The following LHFPL1 variants were observed in gnomAD, a reference collection of about 807,000 sequenced individuals.
LHFPL1 encodes the protein LHFPL tetraspan subfamily member 1, also known as LHFPL tetraspan subfamily member 1 protein.
Under a neutral mutation model 12.1 loss-of-function variants are expected in LHFPL1, and 4 were observed. That is an observed-to-expected ratio of 0.33 (90% CI 0.16 to 0.76). LHFPL1 has a LOEUF of 0.76. Ranked by LOEUF, LHFPL1 falls within the 30% of genes least tolerant of loss-of-function variation. The pLI, the probability that LHFPL1 is intolerant of heterozygous loss-of-function variation, is 0.61. For synonymous variants in LHFPL1, 52 were observed against 61.9 expected, an observed-to-expected ratio of 0.84 and a Z score of 0.75; for missense variants, 141 against 174.1, an observed-to-expected ratio of 0.81 and a Z score of 1.07.
At chrX:112,662,760 CCT>C (rs1006538547) in intron 2 of LHFPL1, among the ~76,000 whole-genome samples, 1 of 111,683 alleles carries the variant, frequency 9.0e-6, no homozygotes, top group African/African-American at 3.3e-5. Context: ...AACAACACCC[CCT>C]GTTTTTTCCA....
intron 2 of LHFPL1, among the ~76,000 whole-genome samples, chrX:112,663,910 T>TTAA (rs754468652): frequency 7.1e-5 from 8 of 112,082 alleles, no homozygotes; most frequent in Non-Finnish European, 1.3e-4. Context: ...TTAATTTCTC[T>TTAA]GTGCCTCATT....
Position 112,671,116 on chromosome X carries a change from C to T in LHFPL1, c.275G>A (p.Cys92Tyr). 8.2e-7 allele frequency: 1 copy of T among 1,212,132 alleles called. No homozygotes were observed. The highest frequency in any genetic ancestry group is 1.1e-6 in the Non-Finnish European group (1 of 895,542). The change falls in exon 2 of 4, where the codon TGT becomes TAT. Residue 92 changes from cysteine (C) to tyrosine (Y), a missense_variant. Coordinates refer to ENST00000371968, the MANE Select transcript of LHFPL1 (RefSeq NM_178175.4). ...QMCTVVTGAGCALLLLVALAA... is the reference protein window; with the variant it reads ...QMCTVVTGAGYALLLLVALAA... ...TAGTGCCACCAGGAGCAGCAGAGCA[C>T]AGCCGGCACCTGTCACCACTGTGCA... is the stretch of plus-strand genomic sequence containing the variant.
At chrX:112,654,584 T>A (rs1930943780) in intron 3 of LHFPL1, among the ~76,000 whole-genome samples, 1 of 109,789 alleles carries the variant, frequency 9.1e-6, no homozygotes, top group Non-Finnish European at 1.9e-5. Context: ...TATTTATATT[T>A]ATGTTTATAT....
intron 3 of LHFPL1, among the ~76,000 whole-genome samples, chrX:112,643,835 A>G (rs1444920826): frequency 8.9e-6 from 1 of 112,005 alleles, no homozygotes; most frequent in East Asian, 2.8e-4. Flanking sequence ...AACACTGAGC[A>G]TGCCAAGCAC....
intron 3 of LHFPL1, among the ~76,000 whole-genome samples, chrX:112,639,536 T>C (rs753850121): frequency 9.0e-6 from 1 of 111,504 alleles, no homozygotes; most frequent in East Asian, 2.8e-4. Flanking sequence ...AAGAGCCAAG[T>C]CCTCATGACG....
chrX:112,648,366 T>C (rs1489644874), intron 3 of LHFPL1, among the ~76,000 whole-genome samples: 1 of 111,656 alleles, frequency 9.0e-6, no homozygotes, highest in African/African-American at 3.3e-5. Flanking sequence ...TAGGGACAGA[T>C]GGCCATACAA....
At chrX:112,637,489 G>A (rs989388453) in intron 3 of LHFPL1, among the ~76,000 whole-genome samples, 5 of 111,742 alleles carry the variant, frequency 4.5e-5, no homozygotes, top group Admixed American at 9.5e-5. Flanking sequence ...ATTATGGACC[G>A]GAGTGAGTCA....
chrX:112,641,816 G>A (rs1930517784), intron 3 of LHFPL1, among the ~76,000 whole-genome samples: 1 of 111,914 alleles, frequency 8.9e-6, no homozygotes. Context: ...AGATGATTCT[G>A]ATACACATTT....
chrX:112,670,843 A>C (rs192197123), intron 2 of LHFPL1, among the ~76,000 whole-genome samples, 166 bp downstream of exon 2: 1 of 112,428 alleles, frequency 8.9e-6, no homozygotes, highest in African/African-American at 3.2e-5. Context: ...TATTGATTGC[A>C]CTTTGGGAAG....
intron 3 of LHFPL1, 84 bp from the exon 4 acceptor site, chrX:112,631,685 A>G (rs186818850): frequency 1.4e-6 from 1 of 701,904 alleles, no homozygotes; most frequent in East Asian, 3.4e-5. Context: ...ATGATTCCAG[A>G]AAGTACAGTT....
At chrX:112,658,623 T>A (rs1226575849) in intron 3 of LHFPL1, among the ~76,000 whole-genome samples, 2 of 110,095 alleles carry the variant, frequency 1.8e-5, no homozygotes, top group Admixed American at 1.9e-4. Flanking sequence ...TAACAAAAAG[T>A]GGAAAATAAG....
chrX:112,665,783 C>A (rs1466048863), intron 2 of LHFPL1, among the ~76,000 whole-genome samples: 1 of 109,784 alleles, frequency 9.1e-6, no homozygotes, highest in Non-Finnish European at 1.9e-5. Flanking sequence ...CAGCTTCAGC[C>A]CTTGTGGAAA....
rs1931479137 is a variant in LHFPL1 at position 112,671,013 on chromosome X, A to C, written c.378T>G (p.Val126=). 8.3e-7 allele frequency: 1 copy of C among 1,204,691 alleles called. No individual in the cohort carries two copies. The highest frequency in any genetic ancestry group is 1.8e-5 in the African/African-American group (1 of 57,005). Residue 126 remains valine (V), a synonymous_variant, in exon 2 of 4, where the codon GTT becomes GTG. Transcript: ENST00000371968. ...ATCCCAGAAGCACAGTCTTACCTCC[A>C]ACAAACTGCGCTGCTCCCATGCAAC... is the stretch of plus-strand genomic sequence containing the variant. ...MGRCMGAAQF[V]GGLLISSGCA... is the part of the protein sequence containing the mutation.
At chrX:112,677,195 T>C (rs745555727) in intron 1 of LHFPL1, among the ~76,000 whole-genome samples, 4 of 112,093 alleles carry the variant, frequency 3.6e-5, no homozygotes, top group African/African-American at 1.3e-4. Flanking sequence ...TGTTTCCACT[T>C]GAGCTTGTTG....
chrX:112,670,196 C>T (rs1931457435), intron 2 of LHFPL1, among the ~76,000 whole-genome samples: 1 of 112,516 alleles, frequency 8.9e-6, no homozygotes, highest in African/African-American at 3.2e-5. Context: ...TTTCCCAGTG[C>T]CCAATCTAGG....
chrX:112,664,347 C>T (rs1462340830), intron 2 of LHFPL1, among the ~76,000 whole-genome samples: 2 of 111,856 alleles, frequency 1.8e-5, no homozygotes, highest in African/African-American at 6.5e-5. Flanking sequence ...TGGCTCCTCT[C>T]CCAGTTTCTA....
At chrX:112,651,999 C>T (rs765264984) in intron 3 of LHFPL1, among the ~76,000 whole-genome samples, 2 of 112,986 alleles carry the variant, frequency 1.8e-5, no homozygotes, top group South Asian at 3.7e-4. Context: ...TAGAGTAGTA[C>T]CCAAATACAA....
At chrX:112,644,383 TATG>T (rs1465008317) in intron 3 of LHFPL1, among the ~76,000 whole-genome samples, 1 of 111,783 alleles carries the variant, frequency 8.9e-6, no homozygotes, top group East Asian at 2.8e-4. Flanking sequence ...ACATATACAA[TATG>T]ATGTTTTTAT....
chrX:112,644,482 C>CGTGTGT (rs1930629700), intron 3 of LHFPL1, among the ~76,000 whole-genome samples: 1 of 107,293 alleles, frequency 9.3e-6, no homozygotes, highest in Non-Finnish European at 1.9e-5. Context: ...TGTGTGTGTA[C>CGTGTGT]ACATTAAGAG....
Sources: gnomAD v4.1 joint callset for allele counts (sites outside exome capture counted in the v4.1 genomes callset) on GRCh38, gnomAD v4.1.1 for gene constraint, MANE v1.5 for transcripts, NCBI Gene and HGNC (gene_info 2026-07-23, HGNC 2026-07-21) for gene names.